The following WDR64 variants were observed in gnomAD, a reference collection of about 807,000 sequenced individuals.
The protein encoded by WDR64 is WD repeat-containing protein 64.
A neutral mutation model predicts 139.3 loss-of-function variants in WDR64; 112 were observed. The ratio of observed to expected loss-of-function variants is 0.80; its 90% CI spans 0.69 to 0.94. The LOEUF (loss-of-function observed/expected upper bound fraction) is 0.94, where lower values mean the gene tolerates loss of function less well. Ranked by LOEUF, WDR64 falls within the 40% of genes least tolerant of loss-of-function variation. The probability of loss-of-function intolerance (pLI) is 0.00; values close to 1 mark genes in which losing one functional copy is unlikely to be tolerated. For missense variants in WDR64, 1,206 were observed against 1,293.1 expected (o/e 0.93, Z 1.03); for synonymous variants, 444 against 437.7 (o/e 1.01, Z -0.18).
rs1659538606 is a variant in WDR64 at position 241,801,964 on chromosome 1, TAACATAC to T, written c.*752_*758del. The T allele has an allele frequency of 2.5e-6, 1 of 397,904 alleles. No homozygotes were observed. Among genetic ancestry groups the T allele is most frequent in the African/African-American group, 2.1e-5 (1 of 48,682 alleles). The allele number at this position is 397,904 out of a possible 1,614,324, so 24.6% of individuals were successfully genotyped here. A position where few individuals can be genotyped will look rare whatever the true frequency, so the allele number is the denominator to read the frequency against. On this transcript the variant is annotated 3_prime_UTR_variant, in exon 28 of 28. Transcript: ENST00000437684. The stretch of plus-strand genomic sequence containing the variant: ...ATATGTTGTTTACAAGAAACACATC[TAACATAC>T]AAGGACACCAAACTCTTAAAGATAA...
At chr1:241,771,752 G>T in intron 19 of WDR64, 55 bp downstream of exon 19, 1 of 1,205,314 alleles carries the variant, frequency 8.3e-7, no homozygotes, top group Non-Finnish European at 1.1e-6. Flanking sequence ...TTGCAAGAGG[G>T]CATTTAGGTG....
At chr1:241,711,381 T>G (rs974242834) in intron 8 of WDR64, among the ~76,000 whole-genome samples, 1 of 151,892 alleles carries the variant, frequency 6.6e-6, no homozygotes, top group Non-Finnish European at 1.5e-5. Flanking sequence ...AGAGGAAAAA[T>G]TAACAGGACT....
chr1:241,754,585 T>C (rs1670106660), intron 14 of WDR64, among the ~76,000 whole-genome samples: 1 of 152,186 alleles, frequency 6.6e-6, no homozygotes, highest in Admixed American at 6.5e-5. Flanking sequence ...CCCAAAGTGC[T>C]GGAATTACAG....
At chr1:241,694,089 T>G (rs983121580) in intron 8 of WDR64, among the ~76,000 whole-genome samples, 1 of 151,584 alleles carries the variant, frequency 6.6e-6, no homozygotes, top group Non-Finnish European at 1.5e-5. Context: ...GCTCTTGAGC[T>G]GTTTAAATGA....
chr1:241,772,626 C>G (rs989254634), intron 19 of WDR64, among the ~76,000 whole-genome samples, 166 bp from the exon 20 acceptor site: 1 of 151,652 alleles, frequency 6.6e-6, no homozygotes, highest in Non-Finnish European at 1.5e-5. Flanking sequence ...CCACACCTGG[C>G]TAATTTTTGT....
intron 6 of WDR64, among the ~76,000 whole-genome samples, chr1:241,679,936 A>C (rs1170106442): frequency 2.0e-5 from 3 of 152,156 alleles, no homozygotes. Context: ...GTCCAGCTTC[A>C]TTAGGTAAGA....
At position 241,801,310 on chromosome 1, in the gene WDR64, C is replaced by T; in HGVS notation, c.*95C>T. ...AGGATGAGAGGGAGAAACCACCAGACACTATCAGTCATCTCTGGTGTCAGG... is the reference window on the plus strand; with the variant it reads ...AGGATGAGAGGGAGAAACCACCAGATACTATCAGTCATCTCTGGTGTCAGG... On this transcript the variant is annotated 3_prime_UTR_variant, in exon 28 of 28. Coordinates refer to ENST00000437684, the MANE Select transcript of WDR64 (RefSeq NM_001367482.1). 1.9e-6 allele frequency: 2 copies of T among 1,062,016 alleles called. No homozygotes were observed. Among genetic ancestry groups the T allele is most frequent in the Non-Finnish European group, 2.8e-6 (2 of 702,070 alleles). 65.8% of individuals were successfully genotyped at this position (1,062,016 alleles called of 1,614,324 possible).
intron 20 of WDR64, among the ~76,000 whole-genome samples, chr1:241,774,104 C>T (rs1408943288): frequency 6.6e-5 from 10 of 152,100 alleles, no homozygotes; most frequent in Admixed American, 6.5e-4. Context: ...CTTGAGTAGC[C>T]TGAGGGTGAA....
intron 10 of WDR64, among the ~76,000 whole-genome samples, chr1:241,735,819 T>C (rs1324617607): frequency 7.7e-6 from 1 of 129,182 alleles, no homozygotes; most frequent in Admixed American, 7.8e-5. Context: ...GTCCTTCTCT[T>C]TCTATCTCTC....
chr1:241,678,631 G>A (rs1052713679), intron 5 of WDR64, among the ~76,000 whole-genome samples: 1 of 152,062 alleles, frequency 6.6e-6, no homozygotes, highest in Non-Finnish European at 1.5e-5. Context: ...ACAATTTTGT[G>A]ATTTATTTAA....
intron 14 of WDR64, among the ~76,000 whole-genome samples, chr1:241,753,193 T>C (rs1402271143): frequency 6.6e-6 from 1 of 152,184 alleles, no homozygotes; most frequent in Non-Finnish European, 1.5e-5. Context: ...AAAGAAGGTA[T>C]GTACCTTGCC....
At chr1:241,750,720 T>C (rs967751724) in intron 14 of WDR64, among the ~76,000 whole-genome samples, 4 of 152,246 alleles carry the variant, frequency 2.6e-5, no homozygotes, top group African/African-American at 9.6e-5. Context: ...TTTTTCACAT[T>C]GATTATTCTG....
In WDR64 at chr1:241,785,574, T is replaced by C. The variant is rs1230164469; in HGVS notation, c.2705+2193T>C. On this transcript the variant is annotated intron_variant, in intron 23 of 27. Coordinates refer to ENST00000437684, the MANE Select transcript of WDR64 (RefSeq NM_001367482.1). ...GCCATAGCACTGCTCACTCCAGTTA[T>C]CCTTGGCATGGAGAAATTAATTTTA... Among the ~76,000 whole-genome samples, 2 of 152,292 alleles carry C rather than the reference T, an allele frequency of 1.3e-5. 1 individual carries two copies. Among genetic ancestry groups the C allele is most frequent in the Middle Eastern group, 6.8e-3 (2 of 294 alleles).
chr1:241,781,414 A>G (rs1368735384), intron 22 of WDR64, among the ~76,000 whole-genome samples: 1 of 152,204 alleles, frequency 6.6e-6, no homozygotes, highest in Non-Finnish European at 1.5e-5. Context: ...GAACCATAGA[A>G]CCTGGCTATA....
chr1:241,781,087 GATT>G (rs1658829609), intron 22 of WDR64, among the ~76,000 whole-genome samples: 1 of 152,138 alleles, frequency 6.6e-6, no homozygotes, highest in African/African-American at 2.4e-5. Context: ...TACTGCTGAT[GATT>G]ATTATATTGT....
chr1:241,776,798 G>C (rs1016171373), intron 21 of WDR64, among the ~76,000 whole-genome samples: 2 of 152,148 alleles, frequency 1.3e-5, no homozygotes, highest in Non-Finnish European at 2.9e-5. Flanking sequence ...AGAATTCCCA[G>C]CACCGACCTC....
intron 3 of WDR64, among the ~76,000 whole-genome samples, chr1:241,671,985 G>A (rs1212190227): frequency 1.3e-5 from 2 of 152,128 alleles, no homozygotes; most frequent in African/African-American, 4.8e-5. Flanking sequence ...GACCAGCCTG[G>A]CCAACATAAT....
Position 241,779,261 on chromosome 1 carries a change from C to T in WDR64, c.2537-743C>T, listed in dbSNP as rs185773384. Among the ~76,000 whole-genome samples, 39 of 151,456 alleles carry T rather than the reference C, an allele frequency of 2.6e-4. No individual in the cohort carries two copies. In the East Asian group the frequency reaches 6.8e-3, roughly 26 times the overall value. ...CTTATGTTTGTGTTCATTTTTTTTT[C>T]CTCCATCTGGCTTCTTTCAAGACTC... On this transcript the variant is annotated intron_variant, in intron 21 of 27. Coordinates refer to ENST00000437684, the MANE Select transcript of WDR64 (RefSeq NM_001367482.1).
At chr1:241,673,176 A>T (rs777006153) in intron 3 of WDR64, among the ~76,000 whole-genome samples, 26 of 133,210 alleles carry the variant, frequency 2.0e-4, no homozygotes, top group Admixed American at 7.5e-4. Flanking sequence ...ATCACACACC[A>T]GGGACTGTTG....
Sources: allele counts gnomAD v4.1 joint callset (sites outside exome capture counted in the v4.1 genomes callset), GRCh38; gene constraint gnomAD v4.1.1; transcripts MANE v1.5; gene names NCBI Gene and HGNC (gene_info 2026-07-23, HGNC 2026-07-21).